The following KHDRBS3 variants were observed in gnomAD, a reference collection of about 807,000 sequenced individuals.
KHDRBS3 encodes KH domain-containing, RNA-binding, signal transduction-associated protein 3.
KHDRBS3 carries 23 observed loss-of-function variants against 45.6 expected under a neutral mutation model. That is an observed-to-expected ratio of 0.50 (90% confidence interval 0.36 to 0.72). The LOEUF is 0.72. Ranked by LOEUF, KHDRBS3 falls within the 30% of genes least tolerant of loss-of-function variation. The probability of loss-of-function intolerance (pLI) is 0.00; values close to 1 mark genes in which losing one functional copy is unlikely to be tolerated. For synonymous variants in KHDRBS3, 162 were observed against 156.5 expected (o/e 1.04, Z -0.26); for missense variants, 352 against 424.8 (o/e 0.83, Z 1.51).
chr8:135,553,334 G>A (rs940602281), intron 4 of KHDRBS3, among the ~76,000 whole-genome samples: 1 of 152,132 alleles, frequency 6.6e-6, no homozygotes, highest in Non-Finnish European at 1.5e-5. Context: ...CATTTCGTCA[G>A]TTTTTATTTT....
chr8:135,591,047 A>AT (rs1323938035), intron 6 of KHDRBS3, among the ~76,000 whole-genome samples: 1 of 152,226 alleles, frequency 6.6e-6, no homozygotes, highest in Non-Finnish European at 1.5e-5. Flanking sequence ...TTATCTAACT[A>AT]TAAGATGTTT....
intron 7 of KHDRBS3, among the ~76,000 whole-genome samples, chr8:135,637,986 G>T (rs1830888837): frequency 6.6e-6 from 1 of 151,942 alleles, no homozygotes; most frequent in African/African-American, 2.4e-5. Context: ...TGAAGTGACA[G>T]AAACAAGTTT....
intron 5 of KHDRBS3, among the ~76,000 whole-genome samples, chr8:135,575,054 A>G (rs1047580746): frequency 5.3e-5 from 8 of 152,198 alleles, no homozygotes; most frequent in South Asian, 2.1e-4. Flanking sequence ...TCTGATTCCA[A>G]TGTTTTTGCT....
chr8:135,546,277 T>G (rs1053848835), intron 3 of KHDRBS3, among the ~76,000 whole-genome samples: 6 of 152,226 alleles, frequency 3.9e-5, no homozygotes, highest in African/African-American at 1.4e-4. Context: ...TCAGAAGTTA[T>G]CAGTTAATAT....
At chr8:135,466,572 A>T (rs572189669) in intron 1 of KHDRBS3, among the ~76,000 whole-genome samples, 1 of 152,360 alleles carries the variant, frequency 6.6e-6, no homozygotes, top group East Asian at 1.9e-4. Flanking sequence ...GCTTTGGAAT[A>T]TATAAATCAA....
At chr8:135,577,866 A>C (rs923673343) in intron 5 of KHDRBS3, among the ~76,000 whole-genome samples, 3 of 152,192 alleles carry the variant, frequency 2.0e-5, no homozygotes, top group Admixed American at 1.3e-4. Flanking sequence ...GGCAGGAATG[A>C]GAGTTTATGT....
chr8:135,463,023 T>G (rs1821509465), intron 1 of KHDRBS3, among the ~76,000 whole-genome samples: 1 of 152,034 alleles, frequency 6.6e-6, no homozygotes, highest in Admixed American at 6.5e-5. Flanking sequence ...TGCCCTAAGA[T>G]AAGTCCTCTG....
intron 4 of KHDRBS3, among the ~76,000 whole-genome samples, chr8:135,653,168 G>A (rs1021671953): frequency 8.9e-4 from 136 of 152,266 alleles, no homozygotes; most frequent in African/African-American, 3.2e-3. Context: ...GGGGATGGTG[G>A]TGTTATCCTG....
At chr8:135,570,524 G>T (rs1827650352) in intron 5 of KHDRBS3, among the ~76,000 whole-genome samples, 1 of 152,150 alleles carries the variant, frequency 6.6e-6, no homozygotes, top group Admixed American at 6.5e-5. Context: ...TAAGGAAAGG[G>T]TAGATATAGG....
In KHDRBS3 at chr8:135,496,189, C is replaced by CAA. The variant is rs71578127; in HGVS notation, c.89-25039_89-25038dup. On this transcript the variant is annotated intron_variant, in intron 1 of 8. Transcript: ENST00000355849. ...ACTGTAGAGAGAGGGAAAGGTCATG[C>CAA]AAAAAAAAAATAGCAAAAGATAATC... Among the ~76,000 whole-genome samples, 160 of 140,822 alleles carry CAA rather than the reference C, an allele frequency of 1.1e-3. 2 individuals are homozygous for CAA. In the East Asian group the frequency reaches 0.013, roughly 11 times the overall value. 92.4% of individuals were successfully genotyped at this position (140,822 alleles called of 152,430 possible). A position where few individuals can be genotyped will look rare whatever the true frequency, so the allele number is the denominator to read the frequency against.
intron 1 of KHDRBS3, among the ~76,000 whole-genome samples, chr8:135,516,767 G>A (rs1393416704): frequency 6.6e-6 from 1 of 152,098 alleles, no homozygotes; most frequent in African/African-American, 2.4e-5. Flanking sequence ...TAAAGACAAT[G>A]CAGTAGTGGA....
At chr8:135,634,341 C>T (rs779396656) in intron 7 of KHDRBS3, among the ~76,000 whole-genome samples, 6 of 152,208 alleles carry the variant, frequency 3.9e-5, no homozygotes, top group Non-Finnish European at 7.3e-5. Context: ...GTCAGGTTCA[C>T]AATATCAACT....
intron 5 of KHDRBS3, among the ~76,000 whole-genome samples, chr8:135,563,872 A>G (rs1827280804): frequency 6.6e-6 from 1 of 152,222 alleles, no homozygotes; most frequent in South Asian, 2.1e-4. Context: ...CCTTTCTTCC[A>G]CGTAGGAGCA....
At chr8:135,495,475 G>A (rs911182471) in intron 1 of KHDRBS3, among the ~76,000 whole-genome samples, 13 of 152,136 alleles carry the variant, frequency 8.5e-5, no homozygotes, top group Admixed American at 3.9e-4. Flanking sequence ...TTAGAGGTAG[G>A]GGAAATATAT....
chr8:135,481,539 G>A (rs1822579809), intron 1 of KHDRBS3, among the ~76,000 whole-genome samples: 1 of 152,044 alleles, frequency 6.6e-6, no homozygotes, highest in Non-Finnish European at 1.5e-5. Flanking sequence ...CACGGTGCTT[G>A]AAACGAAATA....
At chr8:135,599,214 C>T (rs2130994302) in intron 6 of KHDRBS3, among the ~76,000 whole-genome samples, 1 of 152,344 alleles carries the variant, frequency 6.6e-6, no homozygotes, top group East Asian at 1.9e-4. Context: ...AGACAGCTCA[C>T]CCCTGCCAGC....
At chr8:135,637,855 T>C (rs146254928) in intron 7 of KHDRBS3, among the ~76,000 whole-genome samples, 19 of 152,354 alleles carry the variant, frequency 1.2e-4, no homozygotes, top group African/African-American at 4.1e-4. Flanking sequence ...ATTTTGAGAA[T>C]TAAAAGATTA....
intron 1 of KHDRBS3, among the ~76,000 whole-genome samples, chr8:135,489,901 G>A (rs756837399): frequency 7.9e-5 from 12 of 152,132 alleles, no homozygotes; most frequent in African/African-American, 1.9e-4. Flanking sequence ...AGCAACTTCC[G>A]CTCCTACAAG....
At chr8:135,474,827 G>A (rs998758677) in intron 1 of KHDRBS3, among the ~76,000 whole-genome samples, 1 of 152,192 alleles carries the variant, frequency 6.6e-6, no homozygotes, top group Non-Finnish European at 1.5e-5. Context: ...ATGGGGTCCT[G>A]GAGCTCAGAA....
Sources: allele counts gnomAD v4.1 joint callset (sites outside exome capture counted in the v4.1 genomes callset), GRCh38; gene constraint gnomAD v4.1.1; transcripts MANE v1.5; gene names NCBI Gene and HGNC (gene_info 2026-07-23, HGNC 2026-07-21).